The following ITGA7 variants were observed in gnomAD, a reference collection of about 807,000 sequenced individuals.
ITGA7 encodes the protein integrin alpha-7.
A neutral mutation model predicts 131.6 loss-of-function variants in ITGA7; 84 were observed. The observed-to-expected ratio is 0.64, with a 90% confidence interval of 0.54 to 0.77. The LOEUF is 0.77. Among genes scored for constraint, ITGA7 ranks in the 30% least tolerant of loss-of-function variants. The probability of loss-of-function intolerance (pLI) is 0.00; values close to 1 mark genes in which losing one functional copy is unlikely to be tolerated. For missense variants in ITGA7, 1,399 were observed against 1,482.9 expected (o/e 0.94, Z 0.93); for synonymous variants, 548 against 600.7 (o/e 0.91, Z 1.28).
upstream of ITGA7, among the ~76,000 whole-genome samples, chr12:55,711,796 T>C (rs922375686): frequency 1.3e-5 from 2 of 152,248 alleles, no homozygotes; most frequent in Non-Finnish European, 2.9e-5. Context: ...CTTTAGCTTT[T>C]GTATGAGTGG....
At chr12:55,703,219 G>A (rs1294550584) in intron 1 of ITGA7, 41 bp from the exon 2 acceptor site, 1 of 1,599,560 alleles carries the variant, frequency 6.3e-7, no homozygotes. Flanking sequence ...ACAGGAGTTA[G>A]AGGTCAGAAT....
At chr12:55,715,924 A>C, upstream of ITGA7, 1 of 1,202,558 alleles carries the variant, frequency 8.3e-7, no homozygotes, top group Admixed American at 3.0e-5. Context: ...CTCACCAAAA[A>C]CTAAGCTCCC....
At chr12:55,713,907 T>C (rs7959622), upstream of ITGA7, among the ~76,000 whole-genome samples, 20,364 of 152,170 alleles carry the variant, frequency 0.13, 2,724 homozygotes, top group African/African-American at 0.34. Flanking sequence ...TTTCTTCTAA[T>C]GCAATCAGCA....
chr12:55,710,693 G>A (rs1180021559), upstream of ITGA7, among the ~76,000 whole-genome samples: 1 of 150,550 alleles, frequency 6.6e-6, no homozygotes, highest in South Asian at 2.1e-4. Flanking sequence ...AGCCCAGGAG[G>A]TGAAGGCTGC....
chr12:55,698,285 C>T (rs1461045859), intron 7 of ITGA7, 98 bp downstream of exon 7: 1 of 1,162,342 alleles, frequency 8.6e-7, no homozygotes, highest in South Asian at 1.5e-5. Flanking sequence ...GACCCTCTCT[C>T]CCTGAGTCCT....
rs752829410 is a variant in ITGA7 at position 55,694,482 on chromosome 12, A to G, written c.2318T>C (p.Ile773Thr). 2.6e-5 allele frequency: 42 copies of G among 1,614,054 alleles called. No homozygotes were observed. The highest frequency in any genetic ancestry group is 3.1e-5 in the Non-Finnish European group (37 of 1,180,018). The stretch of plus-strand genomic sequence containing the variant: ...CTCTACCTCCAGTTCCGTGGTCTCA[A>G]TGCTGATCCCGGAGGTGCTAAGGAT... ...YLILSTSGISIETTELEVELL... is the reference protein window; with the variant it reads ...YLILSTSGISTETTELEVELL... Residue 773 changes from isoleucine (I) to threonine (T), a missense_variant, in exon 17 of 25, where the codon ATT becomes ACT. Physicochemically the swap from Ile to Thr is moderately conservative, Grantham distance 89. Coordinates refer to ENST00000257879, the MANE Select transcript of ITGA7 (RefSeq NM_002206.3). This position sits in a 1 kb window ranked among gnomAD's most constrained non-coding sequence, Gnocchi z 5.3.
At chr12:55,713,880 A>G (rs968137188), upstream of ITGA7, among the ~76,000 whole-genome samples, 26 of 152,340 alleles carry the variant, frequency 1.7e-4, no homozygotes, top group Admixed American at 1.6e-3. Context: ...AATCTTACTC[A>G]GAAAATTCAA....
chr12:55,695,239 T>C, intron 14 of ITGA7: 2 of 597,496 alleles, frequency 3.3e-6, no homozygotes, highest in Non-Finnish European at 3.0e-6. Flanking sequence ...ATGAGACTAA[T>C]ATAATTCCTA....
At chr12:55,696,039 G>A (rs1310340625) in intron 13 of ITGA7, among the ~76,000 whole-genome samples, 3 of 152,178 alleles carry the variant, frequency 2.0e-5, no homozygotes, top group Non-Finnish European at 2.9e-5. Context: ...TCAAGAGCTT[G>A]AAGGCCGCAT....
intron 24 of ITGA7, 82 bp downstream of exon 24, chr12:55,687,889 G>T: frequency 6.3e-7 from 1 of 1,577,026 alleles, no homozygotes. Context: ...TGAGTGTGTG[G>T]GTGGGTGACA....
At chr12:55,698,218 A>T (rs547705184) in intron 7 of ITGA7, 165 bp downstream of exon 7, 1 of 852,742 alleles carries the variant, frequency 1.2e-6, no homozygotes, top group Non-Finnish European at 1.8e-6. Context: ...CAAAAAGGTT[A>T]GGAACTTGCC....
chr12:55,690,745 G>A (rs890915116), intron 21 of ITGA7, among the ~76,000 whole-genome samples: 13 of 149,326 alleles, frequency 8.7e-5, no homozygotes, highest in Non-Finnish European at 1.6e-4. Flanking sequence ...ATGATAGACT[G>A]GATTAAGAAA....
chr12:55,696,057 T>C (rs1872563803), intron 13 of ITGA7, among the ~76,000 whole-genome samples: 1 of 152,268 alleles, frequency 6.6e-6, no homozygotes, highest in East Asian at 1.9e-4. Flanking sequence ...CATTTGAAGA[T>C]TACAGAATCC....
chr12:55,700,779 G>C (rs954460989), intron 4 of ITGA7, 120 bp downstream of exon 4: 2 of 1,308,896 alleles, frequency 1.5e-6, no homozygotes, highest in Non-Finnish European at 2.2e-6. Flanking sequence ...GCATGGCAGT[G>C]CCCTGGGGCC....
Position 55,684,982 on chromosome 12 carries a change from T to C in ITGA7, c.*76A>G. On this transcript the variant is annotated 3_prime_UTR_variant, in exon 25 of 25. Coordinates refer to ENST00000257879, the MANE Select transcript of ITGA7 (RefSeq NM_002206.3). ...TTGATGCGACACCAGCAGCCCACTC[T>C]ACCCTCTTCATCCCAAGGAGCCATC... 2.4e-6 allele frequency: 3 copies of C among 1,262,454 alleles called. No individual in the cohort carries two copies. The highest frequency in any genetic ancestry group is 3.3e-6 in the Non-Finnish European group (3 of 920,912). The allele number at this position is 1,262,454 out of a possible 1,614,324, so 78.2% of individuals were successfully genotyped here. A position where few individuals can be genotyped will look rare whatever the true frequency, so the allele number is the denominator to read the frequency against.
rs373061833 is a variant in ITGA7, at chr12:55,703,019, G to A, written c.334+32C>T. ...CAAGTCCTCTCCTCCCCGCTCACAC[G>A]CTTCCCCCACTCTGTTCATGCAGGG... On this transcript the variant is annotated intron_variant, in intron 2 of 24. Coordinates refer to ENST00000257879, the MANE Select transcript of ITGA7 (RefSeq NM_002206.3). 35 of 1,613,728 alleles carry A rather than the reference G, an allele frequency of 2.2e-5. No homozygotes were observed. In the East Asian group the frequency reaches 3.3e-4, roughly 15 times the overall value.
chr12:55,708,031 G>C, upstream of ITGA7: 8 of 1,165,220 alleles, frequency 6.9e-6, no homozygotes, highest in South Asian at 1.4e-4. Flanking sequence ...GGCTGGGATG[G>C]AAACTAGCCT....
intron 19 of ITGA7, 111 bp downstream of exon 19, chr12:55,693,910 C>T: frequency 1.1e-6 from 1 of 875,222 alleles, no homozygotes. Context: ...AGGCCTCAAA[C>T]TGCATGCTGC....
At chr12:55,700,246 G>T in intron 4 of ITGA7, 1 of 1,595,812 alleles carries the variant, frequency 6.3e-7, no homozygotes, top group South Asian at 1.1e-5. Flanking sequence ...GTTCTGGGCC[G>T]GGGAGAGGTC....
Sources: allele counts gnomAD v4.1 joint callset (sites outside exome capture counted in the v4.1 genomes callset), GRCh38; gene constraint gnomAD v4.1.1; non-coding constraint Gnocchi (gnomAD v3.1); transcripts MANE v1.5; gene names NCBI Gene and HGNC (gene_info 2026-07-23, HGNC 2026-07-21).